SNX10: variants seen among roughly 807,000 people sequenced by gnomAD.
SNX10 encodes the protein sorting nexin 10.
In SNX10, 25 loss-of-function variants were observed where a neutral mutation model predicts 28.5. The observed-to-expected ratio is 0.88, with a 90% confidence interval of 0.64 to 1.22. The LOEUF is 1.22. Ranked by LOEUF, SNX10 falls within the 50% of genes most tolerant of loss-of-function variation. The pLI is 0.00. For synonymous variants in SNX10, 62 were observed against 81.4 expected, an observed-to-expected ratio of 0.76 and a Z score of 1.28; for missense variants, 223 against 242.6, an observed-to-expected ratio of 0.92 and a Z score of 0.54.
At position 26,373,860 on chromosome 7, in the gene SNX10, G is replaced by T. The variant is rs1057507309; in HGVS notation, c.*1288G>T. ...TTAAAAGCTATTGTATTATTAAAAA[G>T]TCTTTACAATGCTTGTTTCAAAGAA... On this transcript the variant is annotated 3_prime_UTR_variant, in exon 7 of 7. Coordinates refer to ENST00000338523, the MANE Select transcript of SNX10 (RefSeq NM_013322.3). This position sits in a 1 kb window ranked among gnomAD's most constrained non-coding sequence, Gnocchi z 4.2. The T allele has an allele frequency of 6.6e-6, 1 of 151,698 alleles. No individual in the cohort carries two copies. Among genetic ancestry groups the T allele is most frequent in the East Asian group, 1.9e-4 (1 of 5,192 alleles). The allele number at this position is 151,698 out of a possible 1,614,324, so 9.4% of individuals were successfully genotyped here. A position where few individuals can be genotyped will look rare whatever the true frequency, so the allele number is the denominator to read the frequency against.
intron 1 of SNX10, among the ~76,000 whole-genome samples, chr7:26,332,461 T>C (rs546829545): frequency 6.6e-6 from 1 of 152,338 alleles, no homozygotes; most frequent in South Asian, 2.1e-4. Flanking sequence ...TTGTAAGAGT[T>C]CTTGATATAG....
chr7:26,341,497 G>A (rs984909802), intron 1 of SNX10, among the ~76,000 whole-genome samples: 3 of 75,286 alleles, frequency 4.0e-5, no homozygotes, highest in Admixed American at 1.3e-4. Flanking sequence ...TTCTCTATGT[G>A]CATTTTTTTT....
intron 1 of SNX10, among the ~76,000 whole-genome samples, chr7:26,345,568 C>A (rs1474205877): frequency 6.6e-6 from 1 of 152,134 alleles, no homozygotes; most frequent in Non-Finnish European, 1.5e-5. Flanking sequence ...TGTGTTCCTG[C>A]TTCCCTGTGT....
At chr7:26,322,917 T>C (rs1194944855) in intron 1 of SNX10, among the ~76,000 whole-genome samples, 2 of 152,066 alleles carry the variant, frequency 1.3e-5, no homozygotes, top group Non-Finnish European at 2.9e-5. Flanking sequence ...AACAAATAAA[T>C]AGTATAGATT....
chr7:26,309,253 A>C (rs890248201), intron 1 of SNX10, among the ~76,000 whole-genome samples: 10 of 152,026 alleles, frequency 6.6e-5, no homozygotes, highest in African/African-American at 9.7e-5. Context: ...TAGCCCTGCT[A>C]TCAGTGCAGT....
At position 26,347,099 on chromosome 7, in the gene SNX10, C is replaced by T. The variant is rs142023551; in HGVS notation, c.24+633C>T. Among the ~76,000 whole-genome samples the T allele has an allele frequency of 5.1e-3, 772 of 151,102 alleles. 1 individual carries two copies. The highest frequency in any genetic ancestry group is 8.3e-3 in the Non-Finnish European group (564 of 67,890). ...ATGAAGTGGAGAAGCAGCACAGGGG[C>T]CTGTCTAGGGAGTGTGCACACACAC... On this transcript the variant is annotated intron_variant, in intron 2 of 6. Transcript: ENST00000338523.
At chr7:26,315,960 A>G (rs1787067101) in intron 1 of SNX10, among the ~76,000 whole-genome samples, 1 of 151,900 alleles carries the variant, frequency 6.6e-6, no homozygotes, top group Non-Finnish European at 1.5e-5. Flanking sequence ...AGGTGGGTGG[A>G]TCACGAGGTC....
At position 26,309,346 on chromosome 7, in the gene SNX10, CAAG is replaced by C. The variant is rs1786728074; in HGVS notation, c.-24+17261_-24+17263del. 2.0e-5 allele frequency among the ~76,000 whole-genome samples: 3 copies of C among 146,908 alleles called. No individual in the cohort carries two copies. The Admixed American group carries it at 2.1e-4, about 10-fold the overall frequency. On this transcript the variant is annotated intron_variant, in intron 1 of 6. Coordinates refer to ENST00000338523, the MANE Select transcript of SNX10 (RefSeq NM_013322.3). ...CTTGACATCTTTAGGTATTAGAACTCAAGGAGTGTTACTTAATCATCCAAAAAA... is the reference window on the plus strand; with the variant it reads ...CTTGACATCTTTAGGTATTAGAACTCGAGTGTTACTTAATCATCCAAAAAA...
intron 1 of SNX10, among the ~76,000 whole-genome samples, chr7:26,316,456 T>A (rs1787095334): frequency 6.6e-6 from 1 of 152,220 alleles, no homozygotes; most frequent in Admixed American, 6.5e-5. Context: ...TCCTTAACTC[T>A]TGTGGCATTT....
chr7:26,324,875 G>T (rs539249739), intron 1 of SNX10, among the ~76,000 whole-genome samples: 14 of 152,102 alleles, frequency 9.2e-5, no homozygotes, highest in African/African-American at 2.7e-4. Flanking sequence ...TTAAAAATAC[G>T]TAAAAAGAAT....
At chr7:26,324,263 G>T (rs1327470517) in intron 1 of SNX10, among the ~76,000 whole-genome samples, 4 of 132,606 alleles carry the variant, frequency 3.0e-5, no homozygotes, top group Non-Finnish European at 7.3e-5. Context: ...AAAAAAATGT[G>T]TGTGAGAAAA....
chr7:26,314,282 G>T (rs975131370), intron 1 of SNX10, among the ~76,000 whole-genome samples: 3 of 151,010 alleles, frequency 2.0e-5, no homozygotes, highest in Non-Finnish European at 4.4e-5. Context: ...TTTTGAGATG[G>T]AGTCTCACTC....
intron 2 of SNX10, among the ~76,000 whole-genome samples, chr7:26,359,298 G>A (rs954295905): frequency 2.8e-4 from 43 of 152,088 alleles, no homozygotes; most frequent in African/African-American, 1.0e-3. Flanking sequence ...AGAGTGTGGT[G>A]TATTTTTTTG....
chr7:26,338,700 G>A (rs531706668), intron 1 of SNX10, among the ~76,000 whole-genome samples: 7 of 152,106 alleles, frequency 4.6e-5, no homozygotes, highest in East Asian at 1.9e-4. Context: ...CACTGGGCCC[G>A]GCCGGATTAG....
At chr7:26,339,292 G>A (rs1788077491) in intron 1 of SNX10, among the ~76,000 whole-genome samples, 1 of 152,172 alleles carries the variant, frequency 6.6e-6, no homozygotes, top group East Asian at 1.9e-4. Context: ...TCAGGATTTC[G>A]CCATGCCGCC....
intron 1 of SNX10, among the ~76,000 whole-genome samples, chr7:26,329,341 T>G (rs1188691222): frequency 6.6e-6 from 1 of 152,242 alleles, no homozygotes; most frequent in African/African-American, 2.4e-5. Context: ...GTTTTGTCCC[T>G]GGTTTCCTTT....
At chr7:26,321,698 A>T (rs1787315984) in intron 1 of SNX10, among the ~76,000 whole-genome samples, 2 of 152,044 alleles carry the variant, frequency 1.3e-5, no homozygotes, top group South Asian at 4.1e-4. Flanking sequence ...AACCCTGCTG[A>T]CTGCTGGACA....
intron 2 of SNX10, among the ~76,000 whole-genome samples, chr7:26,355,540 A>G (rs913626447): frequency 1.3e-5 from 2 of 152,166 alleles, no homozygotes; most frequent in Admixed American, 6.5e-5. Context: ...AATCTTGTCA[A>G]TCAGTTGGTT....
intron 1 of SNX10, among the ~76,000 whole-genome samples, chr7:26,340,580 C>T (rs1788143170): frequency 6.6e-6 from 1 of 152,154 alleles, no homozygotes; most frequent in African/African-American, 2.4e-5. Flanking sequence ...ATCTGTGTAC[C>T]ATGCTCTCAG....
Sources: gnomAD v4.1 joint callset for allele counts (sites outside exome capture counted in the v4.1 genomes callset) on GRCh38, gnomAD v4.1.1 for gene constraint, Gnocchi (gnomAD v3.1) non-coding constraint, MANE v1.5 for transcripts, NCBI Gene and HGNC (gene_info 2026-07-23, HGNC 2026-07-21) for gene names.